Variants in IGBP1C observed in about 807,000 individuals in gnomAD.
IGBP1C encodes the protein IGBP1 family member C, also known as immunoglobulin-binding protein 1 family member C.
chr17:58,679,519 G>A, the IGBP1C span: 2 of 152,152 alleles, frequency 1.3e-5, no homozygotes, highest in African/African-American at 4.8e-5. Flanking sequence ...TTATAAACAA[G>A]CCAGATCAGG....
At chr17:58,680,246 C>G in the IGBP1C span, among the ~76,000 whole-genome samples, 1 of 152,040 alleles carries the variant, frequency 6.6e-6, no homozygotes, top group Non-Finnish European at 1.5e-5. Flanking sequence ...CTGCTATACA[C>G]GTAACCTGAG....
chr17:58,669,985 A>ACTGT, the IGBP1C span, among the ~76,000 whole-genome samples: 1 of 152,046 alleles, frequency 6.6e-6, no homozygotes, highest in Non-Finnish European at 1.5e-5. Flanking sequence ...GCCTGCCTGT[A>ACTGT]CTGTCCACCA....
At chr17:58,681,133 G>A in the IGBP1C span, among the ~76,000 whole-genome samples, 3 of 151,946 alleles carry the variant, frequency 2.0e-5, no homozygotes, top group Non-Finnish European at 2.9e-5. Context: ...TAAATTAGCC[G>A]GGCATGCTGG....
At chr17:58,690,926 G>T in the IGBP1C span, among the ~76,000 whole-genome samples, 1 of 152,122 alleles carries the variant, frequency 6.6e-6, no homozygotes, top group Non-Finnish European at 1.5e-5. Flanking sequence ...GAGTGCAGTG[G>T]CGTGATCATA....
At chr17:58,661,375 G>T in the IGBP1C span, 2 of 927,342 alleles carry the variant, frequency 2.2e-6, no homozygotes, top group Non-Finnish European at 3.6e-6. Flanking sequence ...TCAGGTCGGT[G>T]GAAGTAATCT....
At chr17:58,691,625 CCA>C in the IGBP1C span, among the ~76,000 whole-genome samples, 2 of 142,836 alleles carry the variant, frequency 1.4e-5, no homozygotes, top group Admixed American at 1.4e-4. Flanking sequence ...CGACATCGTG[CCA>C]CTGCACTCCA....
the IGBP1C span, among the ~76,000 whole-genome samples, chr17:58,665,923 T>C: frequency 6.6e-6 from 1 of 151,716 alleles, no homozygotes; most frequent in East Asian, 2.0e-4. Flanking sequence ...GGCGGGTGCC[T>C]GTATTCCCAG....
At chr17:58,666,192 A>T in the IGBP1C span, among the ~76,000 whole-genome samples, 1 of 152,022 alleles carries the variant, frequency 6.6e-6, no homozygotes, top group East Asian at 1.9e-4. Context: ...AAAATGCAAA[A>T]ATTAGCCAGG....
At chr17:58,690,739 C>T in the IGBP1C span, among the ~76,000 whole-genome samples, 1 of 152,174 alleles carries the variant, frequency 6.6e-6, no homozygotes, top group African/African-American at 2.4e-5. Flanking sequence ...ACAAGACTTT[C>T]TTTGACCTAC....
chr17:58,676,303 G>C, the IGBP1C span, among the ~76,000 whole-genome samples: 3 of 152,006 alleles, frequency 2.0e-5, no homozygotes, highest in Non-Finnish European at 4.4e-5. Context: ...TTGAACCCTG[G>C]GGGCAGAGGT....
the IGBP1C span, among the ~76,000 whole-genome samples, chr17:58,685,452 A>G: frequency 2.6e-5 from 4 of 151,412 alleles, no homozygotes; most frequent in African/African-American, 9.7e-5. Flanking sequence ...AAAAAAAAAG[A>G]ATGTCAGATT....
the IGBP1C span, chr17:58,661,172 GTAA>G: frequency 1.4e-5 from 11 of 807,460 alleles, no homozygotes; most frequent in African/African-American, 3.4e-5. Flanking sequence ...AGCCGTGGAG[GTAA>G]TAGCACCGTG....
At chr17:58,661,783 G>T in the IGBP1C span, 1 of 517,352 alleles carries the variant, frequency 1.9e-6, no homozygotes, top group Non-Finnish European at 3.4e-6. Context: ...CTGAATCGCT[G>T]CTCCACTCCG....
the IGBP1C span, among the ~76,000 whole-genome samples, chr17:58,664,473 A>G: frequency 0.15 from 22,279 of 152,222 alleles, 2,525 homozygotes; most frequent in East Asian, 0.31. Flanking sequence ...CATTACTTAC[A>G]TGTAGCACAT....
chr17:58,680,570 T>G, the IGBP1C span, among the ~76,000 whole-genome samples: 1 of 151,896 alleles, frequency 6.6e-6, no homozygotes, highest in Non-Finnish European at 1.5e-5. Flanking sequence ...GGTAAAACCC[T>G]ATCTCTAATA....
At chr17:58,679,582 A>C in the IGBP1C span, 6 of 152,372 alleles carry the variant, frequency 3.9e-5, no homozygotes, top group African/African-American at 1.2e-4. Flanking sequence ...TAAGTTTCCC[A>C]CATTTGTAGA....
chr17:58,664,586 A>C, the IGBP1C span, among the ~76,000 whole-genome samples: 11 of 152,216 alleles, frequency 7.2e-5, no homozygotes, highest in Non-Finnish European at 1.5e-4. Flanking sequence ...GTCTGCCTGC[A>C]ATAAATAAGA....
At chr17:58,679,863 A>C in the IGBP1C span, among the ~76,000 whole-genome samples, 1 of 152,172 alleles carries the variant, frequency 6.6e-6, no homozygotes, top group Non-Finnish European at 1.5e-5. Context: ...ATCTTAAGAA[A>C]TATAAGCCTA....
At chr17:58,666,313 A>C in the IGBP1C span, among the ~76,000 whole-genome samples, 1 of 151,998 alleles carries the variant, frequency 6.6e-6, no homozygotes, top group South Asian at 2.1e-4. Flanking sequence ...GCTCCACTGC[A>C]CTCCAGCCTG....
Sources: allele counts gnomAD v4.1 joint callset (sites outside exome capture counted in the v4.1 genomes callset), GRCh38; gene constraint gnomAD v4.1.1; transcripts MANE v1.5; gene names NCBI Gene and HGNC (gene_info 2026-07-23, HGNC 2026-07-21).